The following GALNTL6 variants were observed in gnomAD, a reference collection of about 807,000 sequenced individuals.
GALNTL6 encodes the protein polypeptide N-acetylgalactosaminyltransferase like 6, also known as polypeptide N-acetylgalactosaminyltransferase-like 6.
GALNTL6 carries 46 observed loss-of-function variants against 73.7 expected under a neutral mutation model. That is an observed-to-expected ratio of 0.62 (90% CI 0.49 to 0.80). The LOEUF (loss-of-function observed/expected upper bound fraction) is 0.80. GALNTL6 is among the 30% of genes least tolerant of loss of function. The probability of loss-of-function intolerance (pLI) is 0.00; values close to 1 mark genes in which losing one functional copy is unlikely to be tolerated. For synonymous variants in GALNTL6, 259 were observed against 263.7 expected (o/e 0.98, Z 0.17); for missense variants, 604 against 755.0 (o/e 0.80, Z 2.34).
chr4:172,153,499 A>C (rs6553611), intron 2 of GALNTL6, among the ~76,000 whole-genome samples: 69,747 of 152,034 alleles, frequency 0.46, 16,933 homozygotes, highest in African/African-American at 0.61. Flanking sequence ...ATTTAGTTAC[A>C]AAAAAAGATG....
At chr4:172,187,041 C>T (rs1264641507) in intron 2 of GALNTL6, among the ~76,000 whole-genome samples, 1 of 151,828 alleles carries the variant, frequency 6.6e-6, no homozygotes, top group Non-Finnish European at 1.5e-5. Flanking sequence ...TTTATTTTAA[C>T]CTAAATATTA....
chr4:172,343,893 A>G (rs1028669176), intron 4 of GALNTL6, among the ~76,000 whole-genome samples: 2 of 152,216 alleles, frequency 1.3e-5, no homozygotes, highest in East Asian at 3.9e-4. Flanking sequence ...TTAAAATTTG[A>G]AGAATTAGTT....
intron 5 of GALNTL6, among the ~76,000 whole-genome samples, chr4:172,674,067 T>G (rs1732142105): frequency 6.6e-6 from 1 of 152,230 alleles, no homozygotes; most frequent in Non-Finnish European, 1.5e-5. Flanking sequence ...ATCACTGGTC[T>G]GAGTACTTCA....
At chr4:172,848,983 G>T (rs1743662643) in intron 7 of GALNTL6, among the ~76,000 whole-genome samples, 1 of 152,122 alleles carries the variant, frequency 6.6e-6, no homozygotes, top group Admixed American at 6.6e-5. Context: ...GTCACTGAAA[G>T]TCTGCTTCAG....
intron 5 of GALNTL6, among the ~76,000 whole-genome samples, chr4:172,631,857 C>A (rs966894053): frequency 5.3e-5 from 8 of 152,162 alleles, no homozygotes; most frequent in African/African-American, 1.9e-4. Flanking sequence ...ACTGATAAAA[C>A]CAAACATATC....
At chr4:172,154,673 A>T (rs980916268) in intron 2 of GALNTL6, among the ~76,000 whole-genome samples, 1 of 152,226 alleles carries the variant, frequency 6.6e-6, no homozygotes, top group Non-Finnish European at 1.5e-5. Context: ...TCACGTAGTC[A>T]GTACTGAAAA....
chr4:171,904,368 GC>G (rs1737204705), intron 2 of GALNTL6, among the ~76,000 whole-genome samples: 1 of 152,180 alleles, frequency 6.6e-6, no homozygotes, highest in Non-Finnish European at 1.5e-5. Context: ...AGGAGCCGAT[GC>G]GATCAACTGG....
chr4:172,918,535 C>A (rs1421116158), intron 8 of GALNTL6, among the ~76,000 whole-genome samples: 1 of 152,148 alleles, frequency 6.6e-6, no homozygotes, highest in Non-Finnish European at 1.5e-5. Context: ...TAATGCCTTC[C>A]TTCCCCCAAC....
intron 5 of GALNTL6, among the ~76,000 whole-genome samples, chr4:172,377,199 A>G (rs1743063809): frequency 6.6e-6 from 1 of 152,132 alleles, no homozygotes. Flanking sequence ...GGTCTGTTTT[A>G]TAGAGAGCTG....
At chr4:172,641,900 A>AT (rs1158068437) in intron 5 of GALNTL6, among the ~76,000 whole-genome samples, 1 of 152,058 alleles carries the variant, frequency 6.6e-6, no homozygotes, top group Non-Finnish European at 1.5e-5. Flanking sequence ...AAATAATGTG[A>AT]TTGAAAAAAT....
intron 8 of GALNTL6, among the ~76,000 whole-genome samples, chr4:172,930,463 T>G (rs1345284847): frequency 6.6e-6 from 1 of 152,212 alleles, no homozygotes; most frequent in East Asian, 1.9e-4. Context: ...TTTTAAAATT[T>G]CACTTTTTAT....
intron 5 of GALNTL6, among the ~76,000 whole-genome samples, chr4:172,524,415 A>G (rs34648286): frequency 0.16 from 24,263 of 151,794 alleles, 2,096 homozygotes; most frequent in Non-Finnish European, 0.18. Context: ...TGCCCGGCTA[A>G]TGTTTTTGTA....
chr4:172,730,692 T>C (rs1377570579), intron 5 of GALNTL6, among the ~76,000 whole-genome samples: 2 of 152,158 alleles, frequency 1.3e-5, no homozygotes, highest in East Asian at 3.8e-4. Flanking sequence ...TTTATTTTCT[T>C]GTAGCATCCT....
At chr4:172,409,267 A>G (rs335981) in intron 5 of GALNTL6, among the ~76,000 whole-genome samples, 136,023 of 152,006 alleles carry the variant, frequency 0.89, 60,883 homozygotes, top group African/African-American at 0.93. Flanking sequence ...AGCAGTTATT[A>G]TTGATGCTAC....
intron 2 of GALNTL6, among the ~76,000 whole-genome samples, chr4:172,089,681 T>C (rs1732144764): frequency 1.3e-5 from 2 of 152,162 alleles, no homozygotes; most frequent in Non-Finnish European, 2.9e-5. Flanking sequence ...CTTAGGTTCA[T>C]TCTAAAATTA....
intron 7 of GALNTL6, among the ~76,000 whole-genome samples, chr4:172,824,069 A>G (rs1380505566): frequency 6.6e-6 from 1 of 152,168 alleles, no homozygotes; most frequent in East Asian, 1.9e-4. Flanking sequence ...ATAATCTTAG[A>G]ACTCATATGT....
At chr4:172,720,722 G>A (rs1414130688) in intron 5 of GALNTL6, among the ~76,000 whole-genome samples, 3 of 152,124 alleles carry the variant, frequency 2.0e-5, no homozygotes, top group African/African-American at 7.2e-5. Flanking sequence ...GGATCTGAGT[G>A]GCCTTATTCA....
chr4:173,009,248 A>G lies in GALNTL6; in HGVS notation c.1442A>G (p.Asp481Gly). Residue 481 changes from aspartate (D) to glycine (G), a missense_variant, in exon 11 of 13, where the codon GAC (aspartate) becomes GGC (glycine). Transcript: ENST00000506823. ...GCCACCGGAACAGAGCTGAGGCTGG[A>G]CATCTGTGTCAAGGATGGTTCTGAA... is the stretch of plus-strand genomic sequence containing the variant. ...HGATGTELRL[D>G]ICVKDGSERT... The G allele has an allele frequency of 6.2e-7, 1 of 1,614,062 alleles. No individual in the cohort carries two copies. Among genetic ancestry groups the G allele is most frequent in the Non-Finnish European group, 8.5e-7 (1 of 1,179,904 alleles).
At chr4:172,096,639 A>G (rs1027986473) in intron 2 of GALNTL6, among the ~76,000 whole-genome samples, 1 of 152,024 alleles carries the variant, frequency 6.6e-6, no homozygotes, top group East Asian at 1.9e-4. Flanking sequence ...TCCACAAATA[A>G]TTAATTTTTT....
Sources: allele counts gnomAD v4.1 joint callset (sites outside exome capture counted in the v4.1 genomes callset), GRCh38; gene constraint gnomAD v4.1.1; transcripts MANE v1.5; gene names NCBI Gene and HGNC (gene_info 2026-07-23, HGNC 2026-07-21).